Variants in FAT4 observed in about 807,000 individuals in gnomAD.
FAT4 encodes the protein FAT atypical cadherin 4.
In FAT4, 84 loss-of-function variants were observed where a neutral mutation model predicts 303.9. The observed-to-expected ratio is 0.28, with a 90% CI of 0.23 to 0.33. The LOEUF is 0.33. Among genes scored for constraint, FAT4 ranks in the 10% least tolerant of loss-of-function variants. FAT4 has a pLI of 1.00. For missense variants in FAT4, 6,005 were observed against 6,146.8 expected (o/e 0.98, Z 0.77); for synonymous variants, 2,307 against 2,298.8 (o/e 1.00, Z -0.10).
intron 17 of FAT4, among the ~76,000 whole-genome samples, chr4:125,488,081 A>G (rs947912413): frequency 1.3e-5 from 2 of 152,218 alleles, no homozygotes; most frequent in African/African-American, 4.8e-5. Context: ...AAATATAGTG[A>G]AAAAAGAGAA....
At chr4:125,461,432 A>T (rs191386444) in intron 10 of FAT4, among the ~76,000 whole-genome samples, 190 of 152,182 alleles carry the variant, frequency 1.2e-3, no homozygotes, top group Middle Eastern at 6.8e-3. Flanking sequence ...GTAAGTATAC[A>T]TAGCAGTACC....
chr4:125,378,719 C>T (rs62321348), intron 2 of FAT4, among the ~76,000 whole-genome samples: 6,370 of 152,122 alleles, frequency 0.042, 179 homozygotes, highest in Middle Eastern at 0.068. Context: ...ATTTAACAAT[C>T]AAAATATGGT....
In FAT4 at chr4:125,451,878, T is replaced by C. The variant is rs530781443; in HGVS notation, c.10868T>C (p.Val3623Ala). The stretch of plus-strand genomic sequence containing the variant: ...CAGTCTCGGACGGTGGAGATATTTG[T>C]TAATTATTATGGTAACTTGTTTCCC... ...PSQSRTVEIF[V>A]NYYGNLFPGG... The change falls in exon 10 of 18, where the codon GTT becomes GCT. Residue 3623 changes from valine (V) to alanine (A), a missense_variant. Coordinates refer to ENST00000394329, the MANE Select transcript of FAT4 (RefSeq NM_001291303.3). The C allele has an allele frequency of 9.9e-6, 16 of 1,614,050 alleles. No homozygotes were observed. The South Asian group carries it at 1.1e-4, about 11-fold the overall frequency.
chr4:125,332,414 C>A (rs866100942), intron 2 of FAT4, among the ~76,000 whole-genome samples: 3 of 151,830 alleles, frequency 2.0e-5, no homozygotes, highest in Non-Finnish European at 4.4e-5. Flanking sequence ...TAGTTATAAC[C>A]CCTTAAGTGA....
In FAT4 at chr4:125,319,539, C is replaced by A. The variant is rs1730832419; in HGVS notation, c.3128C>A (p.Ala1043Asp). The A allele has an allele frequency of 1.9e-6, 3 of 1,614,104 alleles. No individual in the cohort carries two copies. The highest frequency in any genetic ancestry group is 2.2e-5 in the East Asian group (1 of 44,874). The change falls in exon 2 of 18, where the codon GCT becomes GAT. Residue 1043 changes from alanine (A) to aspartate (D), a missense_variant. Ala to Asp is a moderately radical substitution (Grantham distance 126). Coordinates refer to ENST00000394329, the MANE Select transcript of FAT4 (RefSeq NM_001291303.3). ...YTIAEGNTGD[A>D]FGIFPDGQLY... ...ATTGCTGAAGGAAATACAGGGGATG[C>A]TTTTGGCATATTCCCAGATGGTCAA...
chr4:125,356,071 G>A (rs1290641678), intron 2 of FAT4, among the ~76,000 whole-genome samples: 1 of 151,886 alleles, frequency 6.6e-6, no homozygotes, highest in Admixed American at 6.6e-5. Context: ...AAGCAACCTC[G>A]TCTGCATGCA....
Position 125,451,747 on chromosome 4 carries a change from T to C in FAT4, c.10737T>C (p.Ile3579=). ...CCAGAGAGATTGACAGAGAGCAGAT[T>C]GCAGACTTCTATCTGTCTGTGGTTA... The part of the protein sequence containing the change: ...STTREIDREQ[I]ADFYLSVVTK... The change falls in exon 10 of 18, where the codon ATT becomes ATC. Residue 3579 remains isoleucine (I), a synonymous_variant. Coordinates refer to ENST00000394329, the MANE Select transcript of FAT4 (RefSeq NM_001291303.3). 6.2e-7 allele frequency: 1 copy of C among 1,614,214 alleles called. No homozygotes were observed. The highest frequency in any genetic ancestry group is 8.5e-7 in the Non-Finnish European group (1 of 1,180,018).
intron 2 of FAT4, among the ~76,000 whole-genome samples, chr4:125,330,485 A>G (rs184130209): frequency 6.6e-6 from 1 of 152,338 alleles, no homozygotes; most frequent in Admixed American, 6.5e-5. Context: ...TCCTTTATAT[A>G]AAATATGAAC....
At chr4:125,332,930 G>A (rs140710312) in intron 2 of FAT4, among the ~76,000 whole-genome samples, 1 of 152,038 alleles carries the variant, frequency 6.6e-6, no homozygotes, top group East Asian at 1.9e-4. Flanking sequence ...GCTTTCTTCT[G>A]CTCGGGGTAG....
chr4:125,439,225 A>G (rs1009725751), intron 8 of FAT4, among the ~76,000 whole-genome samples: 9 of 151,918 alleles, frequency 5.9e-5, no homozygotes, highest in African/African-American at 1.9e-4. Flanking sequence ...TTTTCTCCCA[A>G]CTGGACCAAA....
chr4:125,440,610 T>TGTGTGTGTGA (rs372756130), intron 8 of FAT4, among the ~76,000 whole-genome samples: 57 of 75,748 alleles, frequency 7.5e-4, no homozygotes, highest in African/African-American at 2.7e-3. Context: ...TGTGTGTGTG[T>TGTGTGTGTGA]GAGAGAGAGA....
At position 125,448,997 on chromosome 4, in the gene FAT4, G is replaced by T; in HGVS notation, c.7987G>T (p.Asp2663Tyr). ...SYEKLDITVL[D>Y]VNDNAPIFKE... is the part of the protein sequence containing the mutation. ...CGAGAAACTTGATATAACAGTATTA[G>T]ATGTCAATGATAATGCCCCAATTTT... is the stretch of plus-strand genomic sequence containing the variant. Residue 2663 changes from aspartate (D) to tyrosine (Y), a missense_variant, in exon 10 of 18, where the codon GAT (aspartate) becomes TAT (tyrosine). Coordinates refer to ENST00000394329, the MANE Select transcript of FAT4 (RefSeq NM_001291303.3). 7.4e-6 allele frequency: 12 copies of T among 1,613,826 alleles called. No individual in the cohort carries two copies. The highest frequency in any genetic ancestry group is 1.0e-5 in the Non-Finnish European group (12 of 1,179,856).
At chr4:125,321,632 A>G in intron 2 of FAT4, 46 bp downstream of exon 2, 1 of 1,511,562 alleles carries the variant, frequency 6.6e-7, no homozygotes, top group Non-Finnish European at 8.9e-7. Context: ...TGCTTTTTAG[A>G]AAAATCATTC....
At chr4:125,487,705 C>T in intron 17 of FAT4, 99 bp downstream of exon 17, 1 of 1,186,524 alleles carries the variant, frequency 8.4e-7, no homozygotes, top group South Asian at 2.0e-5. Context: ...TAACATGAAT[C>T]TCATATACAG....
rs1261675128 is a variant in FAT4 at position 125,318,235 on chromosome 4, T to C, written c.1824T>C (p.Thr608=). The part of the protein sequence containing the change: ...TGTELLMLRA[T]DGDLGDNGTV... ...CAGAACTGTTGATGCTCAGGGCAAC[T>C]GACGGGGACCTGGGTGACAACGGAA... Residue 608 remains threonine, a synonymous_variant, in exon 2 of 18, where the codon ACT becomes ACC. Transcript: ENST00000394329. 2 of 1,614,094 alleles carry C rather than the reference T, an allele frequency of 1.2e-6. No homozygotes were observed. The highest frequency in any genetic ancestry group is 1.7e-6 in the Non-Finnish European group (2 of 1,180,040).
chr4:125,433,420 C>T (rs1395232), intron 7 of FAT4, among the ~76,000 whole-genome samples: 150,617 of 152,322 alleles, frequency 0.99, 74,489 homozygotes, highest in East Asian at 1. Context: ...GTTTGAAAAA[C>T]GGTTTTGAAA....
intron 2 of FAT4, among the ~76,000 whole-genome samples, chr4:125,379,832 AACAC>A (rs558752724): frequency 6.6e-6 from 1 of 150,590 alleles, no homozygotes; most frequent in Non-Finnish European, 1.5e-5. Context: ...TAAAAAAAAA[AACAC>A]ACACATATAT....
chr4:125,348,815 G>A (rs1295456306), intron 2 of FAT4, among the ~76,000 whole-genome samples: 2 of 151,572 alleles, frequency 1.3e-5, no homozygotes, highest in African/African-American at 4.8e-5. Flanking sequence ...ATTAAATTTA[G>A]GATAATTTAT....
Position 125,414,927 on chromosome 4 carries a change from C to T in FAT4, c.5964C>T (p.Ser1988=). ...QLTYSIASGD[S]LGQFTVDKNG... ...CTTATAGCATTGCTTCAGGTGATAGCCTTGGGCAGTTTACTGTTGACAAGA... is the reference window on the plus strand; with the variant it reads ...CTTATAGCATTGCTTCAGGTGATAGTCTTGGGCAGTTTACTGTTGACAAGA... Residue 1988 remains serine (S), a synonymous_variant, in exon 6 of 18, where the codon AGC becomes AGT. Coordinates refer to ENST00000394329, the MANE Select transcript of FAT4 (RefSeq NM_001291303.3). 6.2e-7 allele frequency: 1 copy of T among 1,612,628 alleles called. No individual in the cohort carries two copies. Among genetic ancestry groups the T allele is most frequent in the Non-Finnish European group, 8.5e-7 (1 of 1,178,862 alleles).
Sources: gnomAD v4.1 joint callset for allele counts (sites outside exome capture counted in the v4.1 genomes callset) on GRCh38, gnomAD v4.1.1 for gene constraint, MANE v1.5 for transcripts, NCBI Gene and HGNC (gene_info 2026-07-23, HGNC 2026-07-21) for gene names.